Variants in ASB4 observed in about 807,000 individuals in gnomAD.
The protein encoded by ASB4 is ankyrin repeat and SOCS box containing 4.
Under a neutral mutation model 38.6 loss-of-function variants are expected in ASB4, and 35 were observed. The ratio of observed to expected loss-of-function variants is 0.91; its 90% CI spans 0.69 to 1.20. The LOEUF is 1.20. ASB4 is among the 50% of genes most tolerant of loss of function. ASB4 has a pLI of 0.00. For synonymous variants in ASB4, 195 were observed against 201.3 expected, an observed-to-expected ratio of 0.97 and a Z score of 0.26; for missense variants, 557 against 527.2, an observed-to-expected ratio of 1.06 and a Z score of -0.55.
intron 3 of ASB4, among the ~76,000 whole-genome samples, chr7:95,530,737 G>A (rs1790809792): frequency 6.6e-6 from 1 of 152,314 alleles, no homozygotes; most frequent in South Asian, 2.1e-4. Flanking sequence ...CTCTGCATGG[G>A]AGAGGAAGTC....
intron 2 of ASB4, among the ~76,000 whole-genome samples, chr7:95,516,257 A>C (rs1790582145): frequency 6.6e-6 from 1 of 152,220 alleles, no homozygotes. Flanking sequence ...AGATTAGTGC[A>C]AAATAATACA....
At chr7:95,518,467 G>A (rs1195846464) in intron 2 of ASB4, among the ~76,000 whole-genome samples, 1 of 152,234 alleles carries the variant, frequency 6.6e-6, no homozygotes, top group Non-Finnish European at 1.5e-5. Flanking sequence ...TGGAACTGCA[G>A]TGCACTATGT....
intron 1 of ASB4, 54 bp downstream of exon 1, chr7:95,486,212 G>T: frequency 6.9e-7 from 1 of 1,442,342 alleles, no homozygotes; most frequent in Non-Finnish European, 9.6e-7. Context: ...TTAAAAAAAT[G>T]CACAGTGTCA....
At chr7:95,499,523 G>A (rs1790300608) in intron 2 of ASB4, among the ~76,000 whole-genome samples, 1 of 152,184 alleles carries the variant, frequency 6.6e-6, no homozygotes, top group Admixed American at 6.5e-5. Context: ...AGGTGACAGA[G>A]TTATCACTGA....
chr7:95,533,647 A>G (rs2116654297), intron 3 of ASB4, among the ~76,000 whole-genome samples: 1 of 152,154 alleles, frequency 6.6e-6, no homozygotes, highest in Non-Finnish European at 1.5e-5. Flanking sequence ...TTGACTTTGG[A>G]GTCATGCAGA....
At chr7:95,547,826 G>A in the ASB4 span, among the ~76,000 whole-genome samples, 1 of 152,120 alleles carries the variant, frequency 6.6e-6, no homozygotes, top group Non-Finnish European at 1.5e-5. Flanking sequence ...TCTGCCTCCA[G>A]ATTGTCTTCA....
At chr7:95,509,136 G>A (rs1209629322) in intron 2 of ASB4, among the ~76,000 whole-genome samples, 1 of 152,132 alleles carries the variant, frequency 6.6e-6, no homozygotes, top group Non-Finnish European at 1.5e-5. Context: ...GGAGTAATGT[G>A]AGTTAGGTGC....
upstream of ASB4, chr7:95,485,894 G>A: frequency 1.5e-6 from 2 of 1,291,072 alleles, no homozygotes; most frequent in Admixed American, 2.4e-5. Flanking sequence ...ACAGTTTGTG[G>A]ACTCTCCAGC....
intron 2 of ASB4, among the ~76,000 whole-genome samples, chr7:95,507,928 C>A (rs1056233028): frequency 1.3e-5 from 2 of 151,944 alleles, no homozygotes; most frequent in Non-Finnish European, 1.5e-5. Flanking sequence ...AGTTGAGCGA[C>A]GGATGCAGAA....
rs1562824732 is a variant in ASB4 at position 95,539,867 on chromosome 7, A to ACCC, written c.*2111_*2113dup. ...ATCCATGTAACCAAAAACCACCTGT[A>ACCC]CCCCCAAAACTATTGAAATCTTAAA... On this transcript the variant is annotated 3_prime_UTR_variant, in exon 5 of 5. Coordinates refer to ENST00000325885, the MANE Select transcript of ASB4 (RefSeq NM_016116.3). 1.3e-5 allele frequency: 2 copies of ACCC among 152,156 alleles called. No homozygotes were observed. Among genetic ancestry groups the ACCC allele is most frequent in the Admixed American group, 6.5e-5 (1 of 15,274 alleles). The allele number at this position is 152,156 out of a possible 1,614,324, so 9.4% of individuals were successfully genotyped here.
chr7:95,487,387 A>G (rs1222809945), intron 1 of ASB4, among the ~76,000 whole-genome samples: 3 of 152,198 alleles, frequency 2.0e-5, no homozygotes, highest in Non-Finnish European at 4.4e-5. Flanking sequence ...GTTCAGTGAT[A>G]GAATGTCTGA....
intron 2 of ASB4, among the ~76,000 whole-genome samples, chr7:95,500,139 C>A (rs1006294830): frequency 4.6e-5 from 7 of 151,486 alleles, no homozygotes; most frequent in Non-Finnish European, 8.8e-5. Context: ...TCAAAGTCAC[C>A]AGCCAAAAAA....
chr7:95,534,582 C>G (rs1323947801), intron 3 of ASB4, among the ~76,000 whole-genome samples: 1 of 152,122 alleles, frequency 6.6e-6, no homozygotes, highest in African/African-American at 2.4e-5. Context: ...GGTTGGTGCA[C>G]TTCCCATTAG....
In ASB4 at chr7:95,538,734, A is replaced by T. The variant is rs1447450719; in HGVS notation, c.*975A>T. The T allele has an allele frequency of 6.6e-6, 1 of 152,094 alleles. No homozygotes were observed. The highest frequency in any genetic ancestry group is 1.9e-4 in the East Asian group (1 of 5,196). 9.4% of individuals were successfully genotyped at this position (152,094 alleles called of 1,614,324 possible). A position where few individuals can be genotyped will look rare whatever the true frequency, so the allele number is the denominator to read the frequency against. On this transcript the variant is annotated 3_prime_UTR_variant, in exon 5 of 5. Coordinates refer to ENST00000325885, the MANE Select transcript of ASB4 (RefSeq NM_016116.3). ...AATACTTTCCCAGACTCCTTGAGAA[A>T]AATATTGCACACTCAATGGCTCCAG...
chr7:95,528,888 C>T (rs1177163416), intron 3 of ASB4: 3 of 239,588 alleles, frequency 1.3e-5, no homozygotes, highest in East Asian at 3.6e-4. Context: ...GAAACTGAGG[C>T]ACAGTTAAGT....
intron 2 of ASB4, among the ~76,000 whole-genome samples, chr7:95,512,721 G>A (rs749368675): frequency 6.6e-6 from 1 of 152,160 alleles, no homozygotes; most frequent in Non-Finnish European, 1.5e-5. Flanking sequence ...TGGCTTAGAA[G>A]AATGAAATTA....
intron 1 of ASB4, among the ~76,000 whole-genome samples, chr7:95,486,672 G>A (rs992880626): frequency 1.3e-5 from 2 of 152,198 alleles, no homozygotes; most frequent in Admixed American, 6.5e-5. Context: ...CACCTTCATG[G>A]TCTTCTTCAT....
intron 2 of ASB4, among the ~76,000 whole-genome samples, chr7:95,526,466 T>G (rs12539224): frequency 0.3 from 45,185 of 152,028 alleles, 6,886 homozygotes; most frequent in Middle Eastern, 0.41. Flanking sequence ...ATACATACTT[T>G]CTCTAATAAA....
At chr7:95,471,880 T>TTTTTTTTTTTTTTTTTTTTTTTG in the ASB4 span, 1 of 150,702 alleles carries the variant, frequency 6.6e-6, no homozygotes, top group Non-Finnish European at 1.5e-5. Context: ...CTGCTTTTTT[T>TTTTTTTTTTTTTTTTTTTTTTTG]AACAGATGAA....
Sources: allele counts gnomAD v4.1 joint callset (sites outside exome capture counted in the v4.1 genomes callset), GRCh38; gene constraint gnomAD v4.1.1; transcripts MANE v1.5; gene names NCBI Gene and HGNC (gene_info 2026-07-23, HGNC 2026-07-21).